GPC6: variants seen among roughly 807,000 people sequenced by gnomAD.
GPC6 encodes the protein glypican 6, also known as glypican-6.
In GPC6, 14 loss-of-function variants were observed where a neutral mutation model predicts 55.2. The ratio of observed to expected loss-of-function variants is 0.25; its 90% CI spans 0.17 to 0.40. The LOEUF is 0.40. Ranked by LOEUF, GPC6 falls within the 10% of genes least tolerant of loss-of-function variation. The pLI is 1.00. For synonymous variants in GPC6, 278 were observed against 259.6 expected, an observed-to-expected ratio of 1.07 and a Z score of -0.68; for missense variants, 641 against 708.5, an observed-to-expected ratio of 0.90 and a Z score of 1.08.
chr13:94,330,714 G>A (rs980131892), intron 6 of GPC6, among the ~76,000 whole-genome samples: 3 of 152,160 alleles, frequency 2.0e-5, no homozygotes, highest in Non-Finnish European at 2.9e-5. Flanking sequence ...AAAGGTGGAT[G>A]ATAATAGTCA....
chr13:93,506,953 C>G (rs1363945604), intron 1 of GPC6, among the ~76,000 whole-genome samples: 1 of 146,506 alleles, frequency 6.8e-6, no homozygotes, highest in Non-Finnish European at 1.5e-5. Flanking sequence ...CCCAGCTACT[C>G]GGGAGGCTGA....
At chr13:93,432,879 G>A (rs1877414044) in intron 1 of GPC6, among the ~76,000 whole-genome samples, 1 of 151,856 alleles carries the variant, frequency 6.6e-6, no homozygotes, top group African/African-American at 2.4e-5. Flanking sequence ...TTTCTTTTGT[G>A]TCTGTGTGTG....
intron 1 of GPC6, among the ~76,000 whole-genome samples, chr13:93,273,274 T>C (rs1416334952): frequency 1.3e-5 from 2 of 152,184 alleles, no homozygotes; most frequent in Non-Finnish European, 2.9e-5. Flanking sequence ...TTATAAACAT[T>C]GAACACATAA....
intron 4 of GPC6, among the ~76,000 whole-genome samples, chr13:94,283,063 G>T (rs1323208712): frequency 6.6e-6 from 1 of 152,180 alleles, no homozygotes; most frequent in African/African-American, 2.4e-5. Flanking sequence ...ACATAAAAAA[G>T]ATCACCAGCT....
At chr13:94,118,095 G>C (rs1811796330) in intron 4 of GPC6, among the ~76,000 whole-genome samples, 1 of 152,020 alleles carries the variant, frequency 6.6e-6, no homozygotes, top group African/African-American at 2.4e-5. Context: ...ATATGAAGAA[G>C]AATGGTGACT....
chr13:93,380,306 G>A (rs986498199), intron 1 of GPC6, among the ~76,000 whole-genome samples: 1 of 152,116 alleles, frequency 6.6e-6, no homozygotes, highest in Non-Finnish European at 1.5e-5. Flanking sequence ...GCCACTTACT[G>A]AAATGCATTG....
chr13:93,290,803 A>G (rs1425536782), intron 1 of GPC6, among the ~76,000 whole-genome samples: 1 of 152,188 alleles, frequency 6.6e-6, no homozygotes, highest in African/African-American at 2.4e-5. Flanking sequence ...ATGGTCCTAG[A>G]TTTGTAACTT....
chr13:94,372,987 A>T (rs1423611292), intron 6 of GPC6, among the ~76,000 whole-genome samples: 2 of 152,140 alleles, frequency 1.3e-5, no homozygotes, highest in Non-Finnish European at 2.9e-5. Flanking sequence ...ATTCCAACAG[A>T]CCTGCAGCTG....
chr13:93,320,506 G>T (rs1246043235), intron 1 of GPC6, among the ~76,000 whole-genome samples: 1 of 151,866 alleles, frequency 6.6e-6, no homozygotes, highest in Admixed American at 6.6e-5. Context: ...GTTGCTGATA[G>T]ATATCTCAGA....
intron 2 of GPC6, among the ~76,000 whole-genome samples, chr13:93,725,120 T>G (rs2138828311): frequency 6.6e-6 from 1 of 152,234 alleles, no homozygotes; most frequent in South Asian, 2.1e-4. Context: ...TAATTGACTT[T>G]AAGTTATAAA....
At chr13:94,178,025 A>ATTTTTTTTTTTTTTTTTTTTTTTTTTTTT (rs767978319) in intron 4 of GPC6, among the ~76,000 whole-genome samples, 3 of 132,990 alleles carry the variant, frequency 2.3e-5, no homozygotes, top group African/African-American at 6.3e-5. Flanking sequence ...TGGCCTTTTA[A>ATTTTTTTTTTTTTTTTTTTTTTTTTTTTT]TTTTTTTTTT....
intron 3 of GPC6, among the ~76,000 whole-genome samples, chr13:93,965,877 T>A (rs777011656): frequency 1.3e-5 from 2 of 152,136 alleles, no homozygotes; most frequent in Non-Finnish European, 2.9e-5. Context: ...AGCCACTACG[T>A]TTTGTGACAA....
intron 4 of GPC6, among the ~76,000 whole-genome samples, chr13:94,180,500 G>A (rs1039635296): frequency 3.3e-5 from 5 of 152,142 alleles, no homozygotes; most frequent in Non-Finnish European, 7.3e-5. Context: ...AGAAATCGAT[G>A]AATGAAACCA....
At chr13:93,786,275 TTTGCA>T (rs1235141464) in intron 2 of GPC6, among the ~76,000 whole-genome samples, 1 of 152,066 alleles carries the variant, frequency 6.6e-6, no homozygotes, top group Non-Finnish European at 1.5e-5. Context: ...TTCCAGACAG[TTTGCA>T]TCAGGATATT....
intron 1 of GPC6, among the ~76,000 whole-genome samples, chr13:93,541,165 T>C (rs1446119355): frequency 1.7e-5 from 2 of 116,708 alleles, no homozygotes; most frequent in Non-Finnish European, 3.5e-5. Flanking sequence ...CCTAAAGCTA[T>C]CCCTCCCCCC....
intron 2 of GPC6, among the ~76,000 whole-genome samples, chr13:93,803,047 G>C (rs1050733941): frequency 6.6e-6 from 1 of 152,126 alleles, no homozygotes; most frequent in African/African-American, 2.4e-5. Context: ...TTTGAGTTTA[G>C]TATTCTTGCA....
At chr13:93,380,102 G>T (rs936857236) in intron 1 of GPC6, among the ~76,000 whole-genome samples, 1 of 152,070 alleles carries the variant, frequency 6.6e-6, no homozygotes, top group Admixed American at 6.6e-5. Context: ...ATATGCAGGA[G>T]AAAATATCTC....
chr13:93,932,268 A>C (rs9561477), intron 3 of GPC6, among the ~76,000 whole-genome samples: 45,544 of 151,994 alleles, frequency 0.3, 7,239 homozygotes, highest in East Asian at 0.42. Flanking sequence ...AAGTTTAAAA[A>C]TGAATAGGCT....
chr13:93,531,273 A>G (rs1459578591), intron 1 of GPC6, among the ~76,000 whole-genome samples: 4 of 150,630 alleles, frequency 2.7e-5, no homozygotes, highest in Non-Finnish European at 3.0e-5. Context: ...ACATTTATAT[A>G]TTATAATGAT....
Sources: gnomAD v4.1 joint callset for allele counts (sites outside exome capture counted in the v4.1 genomes callset) on GRCh38, gnomAD v4.1.1 for gene constraint, MANE v1.5 for transcripts, NCBI Gene and HGNC (gene_info 2026-07-23, HGNC 2026-07-21) for gene names.